CEP70: variants seen among roughly 807,000 people sequenced by gnomAD.
CEP70 encodes centrosomal protein 70.
A neutral mutation model predicts 90.9 loss-of-function variants in CEP70; 70 were observed. The ratio of observed to expected loss-of-function variants is 0.77; its 90% CI spans 0.64 to 0.94. The LOEUF is 0.94. Among genes scored for constraint, CEP70 ranks in the 40% least tolerant of loss-of-function variants. CEP70 has a pLI of 0.00. For missense variants in CEP70, 648 were observed against 669.0 expected, an observed-to-expected ratio of 0.97 and a Z score of 0.35; for synonymous variants, 220 against 228.3, an observed-to-expected ratio of 0.96 and a Z score of 0.33.
intron 6 of CEP70, among the ~76,000 whole-genome samples, chr3:138,557,785 C>T (rs2040124894): frequency 2.0e-5 from 3 of 152,070 alleles, no homozygotes; most frequent in African/African-American, 7.2e-5. Flanking sequence ...CCACCTGTTA[C>T]CCCAAAGCCT....
intron 13 of CEP70, 146 bp from the exon 14 acceptor site, chr3:138,501,027 A>C: frequency 3.3e-6 from 1 of 306,620 alleles, no homozygotes; most frequent in Non-Finnish European, 5.6e-6. Flanking sequence ...TTAAAAAAAT[A>C]TATATGTAAC....
intron 6 of CEP70, among the ~76,000 whole-genome samples, chr3:138,547,447 T>A (rs369425677): frequency 6.6e-6 from 1 of 152,226 alleles, no homozygotes; most frequent in South Asian, 2.1e-4. Context: ...ACAGTTGCAG[T>A]TTGAGGTGTG....
In CEP70 at chr3:138,515,471, A is replaced by G. The variant is rs1463517824; in HGVS notation, c.945-6927T>C. Among the ~76,000 whole-genome samples, 70 of 150,576 alleles carry G rather than the reference A, an allele frequency of 4.6e-4. 1 individual carries two copies. The highest frequency in any genetic ancestry group is 1.6e-3 in the African/African-American group (67 of 41,222). ...CCAACAAAAGGCATAGAAATGCAAA[A>G]AAAAAAAAAAAAAAAAAGTATCACT... On this transcript the variant is annotated intron_variant, in intron 11 of 17. Transcript: ENST00000264982.
Position 138,571,358 on chromosome 3 carries a change from T to C in CEP70, c.70-2A>G. On this transcript the variant is annotated splice_acceptor_variant, in intron 3 of 17. Transcript: ENST00000264982. LOFTEE classifies it high-confidence loss of function. ...GCTTTCCCATTCTGCTTCTTCCTGC[T>C]ACAATTACAGAAAGAGAAGAAAGGG... 6.3e-7 allele frequency: 1 copy of C among 1,587,514 alleles called. No individual in the cohort carries two copies. Among genetic ancestry groups the C allele is most frequent in the South Asian group, 1.1e-5 (1 of 89,524 alleles).
intron 17 of CEP70, among the ~76,000 whole-genome samples, chr3:138,495,670 G>A (rs537374030): frequency 3.0e-4 from 45 of 152,182 alleles, no homozygotes; most frequent in Non-Finnish European, 4.6e-4. Context: ...TGGCCAACAC[G>A]GTGAAAACCC....
chr3:138,497,050 T>C (rs1042863702), intron 17 of CEP70: 33 of 1,031,492 alleles, frequency 3.2e-5, no homozygotes, highest in Middle Eastern at 4.8e-4. Flanking sequence ...AACACACTTA[T>C]ACAGTTTCAT....
intron 10 of CEP70, 61 bp downstream of exon 10, chr3:138,529,138 C>A (rs1471448436): frequency 2.0e-6 from 2 of 1,016,392 alleles, no homozygotes; most frequent in Admixed American, 4.5e-5. Flanking sequence ...TGCACTTGGC[C>A]TGAGTGACAG....
At position 138,546,698 on chromosome 3, in the gene CEP70, G is replaced by A. The variant is rs915114602; in HGVS notation, c.466-9351C>T. 1.4e-4 allele frequency among the ~76,000 whole-genome samples: 22 copies of A among 152,150 alleles called. 1 individual carries two copies. The highest frequency in any genetic ancestry group is 7.2e-4 in the Admixed American group (11 of 15,284). The stretch of plus-strand genomic sequence containing the variant: ...CAGCAGGTGGAGGTTGCAGTGAGCC[G>A]AGATCATGCCACTGCATTCCAGCCT... On this transcript the variant is annotated intron_variant, in intron 6 of 17. Transcript: ENST00000264982.
intron 11 of CEP70, among the ~76,000 whole-genome samples, chr3:138,520,387 T>C (rs1441357502): frequency 1.3e-5 from 2 of 152,234 alleles, no homozygotes; most frequent in Non-Finnish European, 2.9e-5. Context: ...TACTTTCTTC[T>C]CAGCACCACA....
intron 10 of CEP70, among the ~76,000 whole-genome samples, chr3:138,527,007 T>G (rs1289138208): frequency 9.9e-6 from 1 of 101,110 alleles, no homozygotes. Flanking sequence ...TGAAAGACGA[T>G]AGACAAAAAA....
chr3:138,562,290 T>C (rs917089051), intron 6 of CEP70, among the ~76,000 whole-genome samples: 1 of 152,104 alleles, frequency 6.6e-6, no homozygotes, highest in Non-Finnish European at 1.5e-5. Flanking sequence ...TTTAGGATAC[T>C]ATCCAGTAGA....
chr3:138,520,584 C>A (rs2108784601), intron 11 of CEP70, among the ~76,000 whole-genome samples: 1 of 152,292 alleles, frequency 6.6e-6, no homozygotes, highest in Non-Finnish European at 1.5e-5. Context: ...TGAATGACTA[C>A]TGGGTACATA....
chr3:138,537,001 CAAAA>C (rs57447148), intron 7 of CEP70, 173 bp downstream of exon 7: 903 of 249,508 alleles, frequency 3.6e-3, no homozygotes, highest in East Asian at 5.1e-3. Context: ...ACCTCTAGAA[CAAAA>C]AAAAAAAAAA....
chr3:138,570,480 C>T lies in CEP70; in HGVS notation c.303G>A (p.Glu101=), dbSNP rs2041095676. ...NQQLRNELQL[E]QSRAANQEQR... ...GTTCTTGATTGGCTGCTCGGCTTTG[C>T]TCTAGCTGAAGTTCATTTCTAAGTT... The change falls in exon 6 of 18, where the codon GAG becomes GAA. Residue 101 remains glutamate, a synonymous_variant. Coordinates refer to ENST00000264982, the MANE Select transcript of CEP70 (RefSeq NM_024491.4). 2 of 1,605,136 alleles carry T rather than the reference C, an allele frequency of 1.2e-6. No individual in the cohort carries two copies. Among genetic ancestry groups the T allele is most frequent in the Non-Finnish European group, 1.7e-6 (2 of 1,177,506 alleles).
At position 138,496,779 on chromosome 3, in the gene CEP70, C is replaced by G. The variant is rs577911609; in HGVS notation, c.1732+1252G>C. On this transcript the variant is annotated intron_variant, in intron 17 of 17. Transcript: ENST00000264982. The stretch of plus-strand genomic sequence containing the variant: ...TTAACACCAGAACTTCAACTTTGAC[C>G]AAATTACAGAATTCATCTCCAGAGA... 4 of 985,374 alleles carry G rather than the reference C, an allele frequency of 4.1e-6. No individual in the cohort carries two copies. The South Asian group carries it at 1.4e-4, about 35-fold the overall frequency. The allele number at this position is 985,374 out of a possible 1,614,324, so 61.0% of individuals were successfully genotyped here. A position where few individuals can be genotyped will look rare whatever the true frequency, so the allele number is the denominator to read the frequency against.
rs192961738 is a variant in CEP70 at position 138,505,719 on chromosome 3, C to G, written c.1051-254G>C. Among the ~76,000 whole-genome samples, 24 of 152,248 alleles carry G rather than the reference C, an allele frequency of 1.6e-4. No individual in the cohort carries two copies. The East Asian group carries it at 3.9e-3, about 24-fold the overall frequency. ...AAATGCAGGCAGACTGAGACCCCTG[C>G]AAGTGCTAATGTTTCAGTTTGAGTC... On this transcript the variant is annotated intron_variant, in intron 12 of 17. Transcript: ENST00000264982.
At chr3:138,555,297 A>G (rs1396578680) in intron 6 of CEP70, among the ~76,000 whole-genome samples, 1 of 152,084 alleles carries the variant, frequency 6.6e-6, no homozygotes, top group Admixed American at 6.5e-5. Context: ...TAAATGACTT[A>G]AATCTAAGAC....
intron 2 of CEP70, among the ~76,000 whole-genome samples, chr3:138,576,997 A>G (rs889685638): frequency 4.6e-4 from 70 of 152,264 alleles, no homozygotes; most frequent in Non-Finnish European, 9.3e-4. Flanking sequence ...CATATACACC[A>G]TGGAATACTA....
chr3:138,527,005 G>A (rs1454992538), intron 10 of CEP70, among the ~76,000 whole-genome samples: 2 of 101,204 alleles, frequency 2.0e-5, no homozygotes, highest in African/African-American at 1.3e-4. Context: ...AGTGAAAGAC[G>A]ATAGACAAAA....
Sources: allele counts gnomAD v4.1 joint callset (sites outside exome capture counted in the v4.1 genomes callset), GRCh38; gene constraint gnomAD v4.1.1; transcripts MANE v1.5; gene names NCBI Gene and HGNC (gene_info 2026-07-23, HGNC 2026-07-21).